The following SIPA1L1 variants were observed in gnomAD, a reference collection of about 807,000 sequenced individuals.
The protein encoded by SIPA1L1 is signal induced proliferation associated 1 like 1, also known as signal-induced proliferation-associated 1-like protein 1.
A neutral mutation model predicts 162.7 loss-of-function variants in SIPA1L1; 26 were observed. That is an observed-to-expected ratio of 0.16 (90% confidence interval 0.12 to 0.22). The LOEUF (loss-of-function observed/expected upper bound fraction) is 0.22. Ranked by LOEUF, SIPA1L1 falls within the 10% of genes least tolerant of loss-of-function variation. The pLI is 1.00. For synonymous variants in SIPA1L1, 829 were observed against 837.4 expected, an observed-to-expected ratio of 0.99 and a Z score of 0.17; for missense variants, 1,874 against 2,241.0, an observed-to-expected ratio of 0.84 and a Z score of 3.31.
At chr14:71,657,651 T>C (rs2043179011) in intron 8 of SIPA1L1, among the ~76,000 whole-genome samples, 1 of 150,222 alleles carries the variant, frequency 6.7e-6, no homozygotes, top group Admixed American at 6.7e-5. Flanking sequence ...TCTTCAGTGT[T>C]AATGGTCTTG....
At position 71,588,998 on chromosome 14, in the gene SIPA1L1, C is replaced by G. The variant is rs777228891; in HGVS notation, c.1126C>G (p.Leu376Val). ...AAVASLVSGP[L>V]SHSASFSSPM... ...CGTGGCATCCTTGGTCTCTGGACCT[C>G]TGTCTCATTCAGCCAGTTTTAGCTC... is the stretch of plus-strand genomic sequence containing the variant. The change falls in exon 5 of 24, where the codon CTG becomes GTG. Residue 376 changes from leucine (L) to valine (V), a missense_variant. Leu to Val is a conservative substitution (Grantham distance 32). Coordinates refer to ENST00000381232, the MANE Select transcript of SIPA1L1 (RefSeq NM_001386936.1). The surrounding 1 kb of genome is among the most constrained non-coding windows in gnomAD (Gnocchi z 4.3). 6.2e-7 allele frequency: 1 copy of G among 1,614,134 alleles called. No homozygotes were observed. Among genetic ancestry groups the G allele is most frequent in the Non-Finnish European group, 8.5e-7 (1 of 1,179,984 alleles).
chr14:71,348,875 T>C (rs2036431900), intron 2 of SIPA1L1, among the ~76,000 whole-genome samples: 1 of 152,190 alleles, frequency 6.6e-6, no homozygotes, highest in Non-Finnish European at 1.5e-5. Context: ...ATCTCCAGGC[T>C]GAAATGGATT....
intron 5 of SIPA1L1, among the ~76,000 whole-genome samples, chr14:71,611,870 G>A (rs1316548126): frequency 6.6e-6 from 1 of 152,180 alleles, no homozygotes; most frequent in Non-Finnish European, 1.5e-5. Context: ...ACATATGTGT[G>A]CATGTGTATG....
intron 2 of SIPA1L1, among the ~76,000 whole-genome samples, chr14:71,369,795 C>T (rs1170822763): frequency 6.7e-6 from 1 of 149,486 alleles, no homozygotes; most frequent in East Asian, 1.9e-4. Flanking sequence ...TATCCATGAG[C>T]ATGGAATGTT....
chr14:71,480,190 C>T (rs1453444028), intron 2 of SIPA1L1, among the ~76,000 whole-genome samples: 1 of 151,360 alleles, frequency 6.6e-6, no homozygotes, highest in African/African-American at 2.4e-5. Context: ...TCAAGCGATT[C>T]TCCTGCCTCA....
intron 5 of SIPA1L1, among the ~76,000 whole-genome samples, chr14:71,609,250 C>G (rs1270995002): frequency 1.3e-5 from 2 of 151,962 alleles, no homozygotes; most frequent in Non-Finnish European, 2.9e-5. Context: ...AGCCTACGAA[C>G]TCTCCTTGGA....
intron 7 of SIPA1L1, among the ~76,000 whole-genome samples, chr14:71,645,528 G>A (rs989071807): frequency 6.6e-6 from 1 of 152,174 alleles, no homozygotes; most frequent in African/African-American, 2.4e-5. Flanking sequence ...TATATACGCT[G>A]CATTTCATCA....
intron 2 of SIPA1L1, among the ~76,000 whole-genome samples, chr14:71,505,446 C>T (rs1214157779): frequency 1.1e-4 from 16 of 145,348 alleles, no homozygotes; most frequent in African/African-American, 3.3e-4. Context: ...TTAGCACTGT[C>T]GCTATAGGTT....
chr14:71,338,579 G>A (rs974015442), intron 2 of SIPA1L1, among the ~76,000 whole-genome samples: 2 of 152,188 alleles, frequency 1.3e-5, no homozygotes, highest in South Asian at 2.1e-4. Flanking sequence ...ACAGTCATCC[G>A]GGGGCATTTA....
intron 2 of SIPA1L1, among the ~76,000 whole-genome samples, chr14:71,394,868 C>G (rs1020208627): frequency 6.6e-6 from 1 of 152,118 alleles, no homozygotes; most frequent in Non-Finnish European, 1.5e-5. Flanking sequence ...CGTTTTAATA[C>G]TAACTCAAAA....
chr14:71,461,619 A>AG (rs1235389282), intron 2 of SIPA1L1, among the ~76,000 whole-genome samples: 4 of 152,150 alleles, frequency 2.6e-5, no homozygotes, highest in African/African-American at 9.7e-5. Context: ...CCTTCATCCA[A>AG]GTCCCTGACC....
chr14:71,339,106 A>G (rs1009894943), intron 2 of SIPA1L1, among the ~76,000 whole-genome samples: 1 of 152,148 alleles, frequency 6.6e-6, no homozygotes. Context: ...TTTTGCCTTC[A>G]TGGAGCATAG....
rs1283883571 is a variant in SIPA1L1 at position 71,521,066 on chromosome 14, C to T, written c.-362+8221C>T. 3.9e-5 allele frequency among the ~76,000 whole-genome samples: 6 copies of T among 152,218 alleles called. No individual in the cohort carries two copies. In the South Asian group the frequency reaches 1.2e-3, roughly 32 times the overall value. ...AGTGTGCCCAGCCTAGCTTTTCTTT[C>T]TGCTGTGGATGTGCACTGCAGTTGT... is the stretch of plus-strand genomic sequence containing the variant. On this transcript the variant is annotated intron_variant, in intron 3 of 23. Coordinates refer to ENST00000381232, the MANE Select transcript of SIPA1L1 (RefSeq NM_001386936.1).
rs566102225 is a variant in SIPA1L1 at position 71,553,249 on chromosome 14, T to C, written c.-303+23879T>C. Among the ~76,000 whole-genome samples the C allele has an allele frequency of 2.6e-5, 4 of 152,358 alleles. No individual in the cohort carries two copies. The South Asian group carries it at 8.3e-4, about 32-fold the overall frequency. ...GGAAAGATTGTTCATCTTCCACCAT[T>C]ACTAAGTTATAAGAATCTATTTTCA... On this transcript the variant is annotated intron_variant, in intron 4 of 23. Transcript: ENST00000381232.
At chr14:71,589,419 G>A (rs756501113) in intron 5 of SIPA1L1, 49 bp downstream of exon 5, 11 of 1,165,286 alleles carry the variant, frequency 9.4e-6, no homozygotes, top group Middle Eastern at 2.9e-4. Flanking sequence ...AGTACTTTCT[G>A]AAGAAAAGTA....
At position 71,671,139 on chromosome 14, in the gene SIPA1L1, G is replaced by C; in HGVS notation, c.2276G>C (p.Arg759Thr). The change falls in exon 11 of 24, where the codon AGA becomes ACA. Residue 759 changes from arginine (R) to threonine (T), a missense_variant. Physicochemically the swap from Arg to Thr is moderately conservative, Grantham distance 71. Around this residue, in one of 5 missense-constraint regions of SIPA1L1, gnomAD observed 243 missense variants for 315.0 expected, o/e 0.77. Coordinates refer to ENST00000381232, the MANE Select transcript of SIPA1L1 (RefSeq NM_001386936.1). The stretch of plus-strand genomic sequence containing the variant: ...CTCAGTGTGGCTGTTACCAGGTCCA[G>C]AGATGTGCCTTCCTTTGGGCCTCCC... The part of the protein sequence containing the change: ...VCYSVAVTRS[R>T]DVPSFGPPIP... 6.2e-7 allele frequency: 1 copy of C among 1,610,294 alleles called. No homozygotes were observed. The highest frequency in any genetic ancestry group is 8.5e-7 in the Non-Finnish European group (1 of 1,177,440).
Position 71,555,700 on chromosome 14 carries a change from A to G in SIPA1L1, c.-303+26330A>G, listed in dbSNP as rs369816999. On this transcript the variant is annotated intron_variant, in intron 4 of 23. Coordinates refer to ENST00000381232, the MANE Select transcript of SIPA1L1 (RefSeq NM_001386936.1). ...TCTAGCTTTTGATTTAAAATGAGAC[A>G]CCTGTGACTCTTCCTTTCACTTTCA... 3.9e-5 allele frequency among the ~76,000 whole-genome samples: 6 copies of G among 152,294 alleles called. No homozygotes were observed. In the East Asian group the frequency reaches 9.6e-4, roughly 24 times the overall value.
intron 2 of SIPA1L1, among the ~76,000 whole-genome samples, chr14:71,376,857 A>T (rs1165607771): frequency 6.6e-6 from 1 of 152,158 alleles, no homozygotes; most frequent in Non-Finnish European, 1.5e-5. Flanking sequence ...TGGGGGTAAG[A>T]TTATAGATTA....
intron 4 of SIPA1L1, among the ~76,000 whole-genome samples, chr14:71,537,571 A>C (rs1027321232): frequency 6.6e-6 from 1 of 152,140 alleles, no homozygotes; most frequent in African/African-American, 2.4e-5. Flanking sequence ...TTCCAGTGTA[A>C]TCTCTTTTCA....
Sources: allele counts gnomAD v4.1 joint callset (sites outside exome capture counted in the v4.1 genomes callset), GRCh38; gene constraint gnomAD v4.1.1; regional missense constraint gnomAD v4.1.1; non-coding constraint Gnocchi (gnomAD v3.1); transcripts MANE v1.5; gene names NCBI Gene and HGNC (gene_info 2026-07-23, HGNC 2026-07-21).